The following KIF6 variants were observed in gnomAD, a reference collection of about 807,000 sequenced individuals.
The protein encoded by KIF6 is kinesin-like protein KIF6.
Under a neutral mutation model 112.7 loss-of-function variants are expected in KIF6, and 106 were observed. The ratio of observed to expected loss-of-function variants is 0.94; its 90% CI spans 0.80 to 1.11. The LOEUF is 1.11. Among genes scored for constraint, KIF6 ranks in the 50% least tolerant of loss-of-function variants. The probability of loss-of-function intolerance (pLI) is 0.00; values close to 1 mark genes in which losing one functional copy is unlikely to be tolerated. For synonymous variants in KIF6, 339 were observed against 339.9 expected, an observed-to-expected ratio of 1.00 and a Z score of 0.03; for missense variants, 929 against 964.0, an observed-to-expected ratio of 0.96 and a Z score of 0.48.
At chr6:39,523,219 C>T (rs1334102691) in intron 13 of KIF6, among the ~76,000 whole-genome samples, 1 of 152,082 alleles carries the variant, frequency 6.6e-6, no homozygotes, top group Non-Finnish European at 1.5e-5. Context: ...CTCATCTTTT[C>T]AGTCCCTACC....
chr6:39,680,545 T>C (rs2113770455), intron 3 of KIF6, among the ~76,000 whole-genome samples: 1 of 152,292 alleles, frequency 6.6e-6, no homozygotes, highest in African/African-American at 2.4e-5. Flanking sequence ...GTCAGCTACC[T>C]TTCTCACAGA....
intron 15 of KIF6, among the ~76,000 whole-genome samples, chr6:39,403,402 T>A (rs1044705339): frequency 1.3e-5 from 2 of 152,168 alleles, no homozygotes; most frequent in African/African-American, 4.8e-5. Context: ...ATAGCTGGAA[T>A]CAGATAGTAG....
intron 15 of KIF6, among the ~76,000 whole-genome samples, chr6:39,390,031 CAAAAAAAAAAAA>C (rs943420819): frequency 4.6e-5 from 2 of 43,558 alleles, no homozygotes; most frequent in South Asian, 7.6e-4. Flanking sequence ...ACTCTGTCTC[CAAAAAAAAAAAA>C]AAAAAAAAAG....
At chr6:39,666,090 G>A (rs571723242) in intron 3 of KIF6, among the ~76,000 whole-genome samples, 69 of 152,276 alleles carry the variant, frequency 4.5e-4, no homozygotes, top group Non-Finnish European at 9.0e-4. Context: ...ATGTCATACA[G>A]GCAAATCATG....
intron 13 of KIF6, among the ~76,000 whole-genome samples, chr6:39,445,514 G>A (rs1772253483): frequency 6.6e-6 from 1 of 152,184 alleles, no homozygotes; most frequent in South Asian, 2.1e-4. Flanking sequence ...TTGGAGATAA[G>A]TAAAAGAAAT....
intron 13 of KIF6, among the ~76,000 whole-genome samples, chr6:39,511,128 C>T (rs1776758853): frequency 1.3e-5 from 2 of 151,986 alleles, no homozygotes; most frequent in Non-Finnish European, 1.5e-5. Context: ...ACTTTAACAC[C>T]CCACTGTCAA....
In KIF6 at chr6:39,331,543, C is replaced by G. The variant is rs1163395459; in HGVS notation, c.*4989G>C. The G allele has an allele frequency of 6.6e-6, 1 of 152,156 alleles. No homozygotes were observed. Among genetic ancestry groups the G allele is most frequent in the Non-Finnish European group, 1.5e-5 (1 of 68,080 alleles). The allele number at this position is 152,156 out of a possible 1,614,324, so 9.4% of individuals were successfully genotyped here. ...GGGATTACAGGTGCGCACCACCACACCCAGCTAATTTTTGTATTTTTAGTA... is the reference window on the plus strand; with the variant it reads ...GGGATTACAGGTGCGCACCACCACAGCCAGCTAATTTTTGTATTTTTAGTA... On this transcript the variant is annotated 3_prime_UTR_variant, in exon 23 of 23. Coordinates refer to ENST00000287152, the MANE Select transcript of KIF6 (RefSeq NM_145027.6).
chr6:39,585,593 A>C (rs931043483), intron 8 of KIF6, among the ~76,000 whole-genome samples: 45 of 152,356 alleles, frequency 3.0e-4, no homozygotes, highest in African/African-American at 1.1e-3. Flanking sequence ...ATGTGTTTTC[A>C]GTTGTTGATC....
intron 13 of KIF6, among the ~76,000 whole-genome samples, chr6:39,535,946 T>C (rs184088144): frequency 0.015 from 2,199 of 149,990 alleles, 30 homozygotes; most frequent in Middle Eastern, 0.027. Context: ...AACTGAACAA[T>C]CTGCTCCTGA....
intron 6 of KIF6, among the ~76,000 whole-genome samples, chr6:39,611,405 T>G (rs1352905443): frequency 1.3e-5 from 2 of 152,194 alleles, no homozygotes; most frequent in Non-Finnish European, 2.9e-5. Context: ...CTTAAAACTT[T>G]GCAAAACCCC....
intron 13 of KIF6, 97 bp from the exon 14 acceptor site, chr6:39,431,258 C>A: frequency 1.4e-6 from 1 of 696,354 alleles, no homozygotes; most frequent in Non-Finnish European, 2.5e-6. Flanking sequence ...GCCCTGGCTC[C>A]AAGAGGCCCA....
rs1484960886 is a variant in KIF6, at chr6:39,331,478, G to C, written c.*5054C>G. 1 of 151,982 alleles carries C rather than the reference G, an allele frequency of 6.6e-6. No individual in the cohort carries two copies. The highest frequency in any genetic ancestry group is 1.5e-5 in the Non-Finnish European group (1 of 68,026). 9.4% of individuals were successfully genotyped at this position (151,982 alleles called of 1,614,324 possible). A position where few individuals can be genotyped will look rare whatever the true frequency, so the allele number is the denominator to read the frequency against. ...CAGCTCACTGCAAACTCTGCCTCCA[G>C]GGTTCAAGTGATTGTCCTGCCTCAG... On this transcript the variant is annotated 3_prime_UTR_variant, in exon 23 of 23. Coordinates refer to ENST00000287152, the MANE Select transcript of KIF6 (RefSeq NM_145027.6).
chr6:39,586,170 A>G (rs1413379732), intron 8 of KIF6, 91 bp downstream of exon 8: 1 of 1,355,228 alleles, frequency 7.4e-7, no homozygotes, highest in East Asian at 2.3e-5. Context: ...CCAGCTGAAA[A>G]TGTAGAAACC....
At chr6:39,508,785 C>T (rs2150505911) in intron 13 of KIF6, among the ~76,000 whole-genome samples, 2 of 152,314 alleles carry the variant, frequency 1.3e-5, no homozygotes, top group African/African-American at 4.8e-5. Context: ...GATTCCACTT[C>T]TGGGGGCAGG....
intron 13 of KIF6, among the ~76,000 whole-genome samples, chr6:39,471,002 G>C (rs556551578): frequency 6.6e-6 from 1 of 152,236 alleles, no homozygotes; most frequent in South Asian, 2.1e-4. Flanking sequence ...ATATTACAAG[G>C]CCTGGGATGC....
intron 14 of KIF6, among the ~76,000 whole-genome samples, chr6:39,424,467 G>A (rs1165616593): frequency 6.6e-6 from 1 of 152,168 alleles, no homozygotes; most frequent in South Asian, 2.1e-4. Flanking sequence ...CTTAGAACAG[G>A]GGCTTGCACC....
intron 9 of KIF6, among the ~76,000 whole-genome samples, chr6:39,580,719 T>C (rs946492295): frequency 6.6e-6 from 1 of 152,138 alleles, no homozygotes; most frequent in African/African-American, 2.4e-5. Context: ...ATCTCAGGCA[T>C]ATAAAATAGT....
chr6:39,555,202 C>T lies in KIF6; in HGVS notation c.1182-9514G>A, dbSNP rs563876953. Among the ~76,000 whole-genome samples the T allele has an allele frequency of 3.9e-5, 6 of 152,276 alleles. 1 individual carries two copies. Among genetic ancestry groups the T allele is most frequent in the African/African-American group, 1.4e-4 (6 of 41,548 alleles). ...TGCCTCTCCTTTTCTGGGGCTTTCC[C>T]CACCTCATGTCCTCCTGGAGCCCTC... is the stretch of plus-strand genomic sequence containing the variant. On this transcript the variant is annotated intron_variant, in intron 10 of 22. Coordinates refer to ENST00000287152, the MANE Select transcript of KIF6 (RefSeq NM_145027.6).
intron 16 of KIF6, among the ~76,000 whole-genome samples, chr6:39,370,713 C>T (rs1280068302): frequency 6.6e-6 from 1 of 152,074 alleles, no homozygotes; most frequent in African/African-American, 2.4e-5. Context: ...CCTCTCCCTC[C>T]TTGGGGGTGG....
Sources: allele counts gnomAD v4.1 joint callset (sites outside exome capture counted in the v4.1 genomes callset), GRCh38; gene constraint gnomAD v4.1.1; transcripts MANE v1.5; gene names NCBI Gene and HGNC (gene_info 2026-07-23, HGNC 2026-07-21).